The following ADAM28 variants were observed in gnomAD, a reference collection of about 807,000 sequenced individuals.
The protein encoded by ADAM28 is ADAM metallopeptidase domain 28, also known as disintegrin and metalloproteinase domain-containing protein 28.
ADAM28 carries 105 observed loss-of-function variants against 101.2 expected under a neutral mutation model. The observed-to-expected ratio is 1.04, with a 90% CI of 0.89 to 1.22. The LOEUF is 1.22. Among genes scored for constraint, ADAM28 ranks in the 50% most tolerant of loss-of-function variants. The probability of loss-of-function intolerance (pLI) is 0.00; values close to 1 mark genes in which losing one functional copy is unlikely to be tolerated. For synonymous variants in ADAM28, 322 were observed against 310.6 expected (o/e 1.04, Z -0.39); for missense variants, 1,028 against 945.4 (o/e 1.09, Z -1.15).
chr8:24,348,429 C>G (rs370078457), intron 18 of ADAM28, among the ~76,000 whole-genome samples: 1 of 152,060 alleles, frequency 6.6e-6, no homozygotes, highest in Non-Finnish European at 1.5e-5. Flanking sequence ...TCACCCCAAG[C>G]CCACAGTTTA....
At chr8:24,320,643 T>C (rs1022149537) in intron 7 of ADAM28, among the ~76,000 whole-genome samples, 3 of 152,004 alleles carry the variant, frequency 2.0e-5, no homozygotes, top group African/African-American at 7.2e-5. Context: ...AATTAAACTT[T>C]ATTCTCATTA....
At chr8:24,306,385 T>TC (rs1809678898) in intron 2 of ADAM28, among the ~76,000 whole-genome samples, 1 of 121,410 alleles carries the variant, frequency 8.2e-6, no homozygotes, top group Non-Finnish European at 1.8e-5. Flanking sequence ...TATATATATA[T>TC]TTAAAAATAT....
chr8:24,341,403 T>A (rs184672784), intron 15 of ADAM28, 195 bp from the exon 16 acceptor site: 2 of 567,324 alleles, frequency 3.5e-6, no homozygotes, highest in East Asian at 3.1e-5. Context: ...TAGGTAATAC[T>A]GTTTATTTGA....
At chr8:24,328,990 C>T (rs192624104) in intron 10 of ADAM28, among the ~76,000 whole-genome samples, 8 of 151,530 alleles carry the variant, frequency 5.3e-5, no homozygotes, top group East Asian at 3.9e-4. Flanking sequence ...GGAGGTCATT[C>T]GAGGGCAAAA....
chr8:24,347,936 A>G (rs1340147896), intron 18 of ADAM28, among the ~76,000 whole-genome samples: 1 of 152,120 alleles, frequency 6.6e-6, no homozygotes, highest in Non-Finnish European at 1.5e-5. Context: ...TATTAAAGAA[A>G]GCATGCACAT....
chr8:24,324,298 T>C (rs1212686203), intron 9 of ADAM28, among the ~76,000 whole-genome samples: 1 of 151,952 alleles, frequency 6.6e-6, no homozygotes, highest in African/African-American at 2.4e-5. Flanking sequence ...AACAACTGAT[T>C]GGCTTTAGGC....
chr8:24,307,451 A>T (rs1257077756), intron 2 of ADAM28, among the ~76,000 whole-genome samples: 1 of 152,206 alleles, frequency 6.6e-6, no homozygotes, highest in Non-Finnish European at 1.5e-5. Flanking sequence ...GCTAGACTGA[A>T]ATAATCCTGT....
intron 6 of ADAM28, among the ~76,000 whole-genome samples, chr8:24,316,073 T>TATTA (rs1811122397): frequency 6.6e-6 from 1 of 151,166 alleles, no homozygotes; most frequent in Non-Finnish European, 1.5e-5. Context: ...TTTATTTATT[T>TATTA]ATTTATTTAT....
intron 9 of ADAM28, among the ~76,000 whole-genome samples, chr8:24,324,729 C>G (rs928443956): frequency 1.3e-5 from 2 of 151,904 alleles, no homozygotes; most frequent in Non-Finnish European, 2.9e-5. Context: ...GGTGTGTGGG[C>G]TCATCTGGCT....
intron 3 of ADAM28, 30 bp downstream of exon 3, chr8:24,310,000 C>T (rs998760474): frequency 6.5e-7 from 1 of 1,530,658 alleles, no homozygotes; most frequent in Non-Finnish European, 9.0e-7. Flanking sequence ...ATATTATCCT[C>T]AGCAAGAGCA....
chr8:24,326,633 C>T lies in ADAM28; in HGVS notation c.970C>T (p.Gln324Ter). Residue 324 changes from glutamine (Q) to a stop codon, truncating the protein, a stop_gained and splice_region_variant, in exon 10 of 23, where the codon CAG becomes TAG. Coordinates refer to ENST00000265769, the MANE Select transcript of ADAM28 (RefSeq NM_014265.6). LOFTEE classifies it high-confidence loss of function. ...TTCTCCTTATTCTGTTGGCGTTGTT[C>T]AGGTCTGTATGATGATAAACTGTTG... ...MCSPYSVGVVQDHSDNLLRVA... is the reference protein window; with the variant it reads ...MCSPYSVGVV 6.2e-7 allele frequency: 1 copy of T among 1,611,002 alleles called. No homozygotes were observed. Among genetic ancestry groups the T allele is most frequent in the Non-Finnish European group, 8.5e-7 (1 of 1,178,058 alleles).
rs374916140 is a variant in ADAM28 at position 24,313,428 on chromosome 8, C to G, written c.424C>G (p.Pro142Ala). The G allele has an allele frequency of 1.2e-6, 2 of 1,613,210 alleles. No homozygotes were observed. The highest frequency in any genetic ancestry group is 2.2e-5 in the South Asian group (2 of 90,944). The change falls in exon 6 of 23, where the codon CCT (proline) becomes GCT (alanine). Residue 142 changes from proline (P) to alanine (A), a missense_variant. Pro to Ala is a conservative substitution (Grantham distance 27). Transcript: ENST00000265769. ...GGGGGATCAAAGATACTTTATTGAA[C>G]CTTTAAGCCCCATACATCGGGATGG... is the stretch of plus-strand genomic sequence containing the variant. ...SQGDQRYFIE[P>A]LSPIHRDGQE...
intron 2 of ADAM28, among the ~76,000 whole-genome samples, chr8:24,302,821 C>T (rs554795993): frequency 2.6e-5 from 4 of 151,954 alleles, no homozygotes; most frequent in African/African-American, 7.3e-5. Flanking sequence ...GCACAACGTG[C>T]AGGTTTGTTA....
intron 22 of ADAM28, 88 bp from the exon 23 acceptor site, chr8:24,354,296 T>C (rs2129346281): frequency 8.5e-7 from 1 of 1,172,764 alleles, no homozygotes. Flanking sequence ...CTTCAGATAA[T>C]TTTAATTTCT....
intron 13 of ADAM28, among the ~76,000 whole-genome samples, chr8:24,333,396 ATTTC>A (rs1458067547): frequency 2.6e-5 from 4 of 152,198 alleles, no homozygotes; most frequent in Non-Finnish European, 5.9e-5. Flanking sequence ...TGTAGTAATC[ATTTC>A]TTTCTAAAAT....
chr8:24,313,926 T>G (rs1810818550), intron 6 of ADAM28, among the ~76,000 whole-genome samples: 1 of 151,924 alleles, frequency 6.6e-6, no homozygotes, highest in Non-Finnish European at 1.5e-5. Flanking sequence ...CCCAGCTAAT[T>G]TTGTATTTTT....
rs1251934760 is a variant in ADAM28, at chr8:24,310,176, C to T, written c.241C>T (p.Pro81Ser). ...TTCTTTCTCCAGGAACCTCCTTGCA[C>T]CAGGCTACACGGAAACATATTATAA... The part of the protein sequence containing the change: ...YLKKNKNLLA[P>S]GYTETYYNST... Residue 81 changes from proline (P) to serine (S), a missense_variant, in exon 4 of 23, where the codon CCA becomes TCA. Pro to Ser is a moderately conservative substitution (Grantham distance 74). Coordinates refer to ENST00000265769, the MANE Select transcript of ADAM28 (RefSeq NM_014265.6). 6.2e-7 allele frequency: 1 copy of T among 1,613,212 alleles called. No homozygotes were observed. The highest frequency in any genetic ancestry group is 8.5e-7 in the Non-Finnish European group (1 of 1,179,566).
At chr8:24,317,570 C>T (rs1028280246) in intron 6 of ADAM28, among the ~76,000 whole-genome samples, 1 of 151,870 alleles carries the variant, frequency 6.6e-6, no homozygotes, top group Non-Finnish European at 1.5e-5. Flanking sequence ...ATACCTAAAA[C>T]CATAAAACTC....
intron 15 of ADAM28, among the ~76,000 whole-genome samples, chr8:24,340,451 A>AGTAT (rs1388919484): frequency 6.6e-6 from 1 of 152,202 alleles, no homozygotes; most frequent in Non-Finnish European, 1.5e-5. Context: ...TGTAAAAGGC[A>AGTAT]GTATGTGAGG....
Sources: gnomAD v4.1 joint callset for allele counts (sites outside exome capture counted in the v4.1 genomes callset) on GRCh38, gnomAD v4.1.1 for gene constraint, MANE v1.5 for transcripts, NCBI Gene and HGNC (gene_info 2026-07-23, HGNC 2026-07-21) for gene names.